KIAA0040: variants seen among roughly 807,000 people sequenced by gnomAD.
KIAA0040 encodes the protein KIAA0040.
In KIAA0040, 10 loss-of-function variants were observed where a neutral mutation model predicts 7.2. The observed-to-expected ratio is 1.38, with a 90% confidence interval of 0.85 to 2.34. The LOEUF (loss-of-function observed/expected upper bound fraction) is 2.34, where lower values mean the gene tolerates loss of function less well. KIAA0040 is among the 30% of genes most tolerant of loss of function. KIAA0040 has a pLI of 0.00. For missense variants in KIAA0040, 89 were observed against 108.2 expected, an observed-to-expected ratio of 0.82 and a Z score of 0.79; for synonymous variants, 49 against 40.1, an observed-to-expected ratio of 1.22 and a Z score of -0.84.
intron 1 of KIAA0040, among the ~76,000 whole-genome samples, chr1:175,178,301 T>A (rs946517545): frequency 3.3e-5 from 5 of 152,234 alleles, no homozygotes; most frequent in Non-Finnish European, 5.9e-5. Context: ...ACCTTCAGTG[T>A]GAGCAGAAGG....
At chr1:175,175,233 A>G (rs1415279069) in intron 2 of KIAA0040, among the ~76,000 whole-genome samples, 2 of 152,264 alleles carry the variant, frequency 1.3e-5, no homozygotes, top group East Asian at 3.8e-4. Context: ...GGTAGTAATT[A>G]AAAGTTGCAT....
At chr1:175,168,964 G>A (rs1676879417) in intron 2 of KIAA0040, among the ~76,000 whole-genome samples, 1 of 152,188 alleles carries the variant, frequency 6.6e-6, no homozygotes, top group South Asian at 2.1e-4. Context: ...GCATCCAGGG[G>A]AGGACTCCAA....
upstream of KIAA0040, chr1:175,192,873 C>T (rs953499215): frequency 6.6e-6 from 1 of 150,710 alleles, no homozygotes; most frequent in Non-Finnish European, 1.5e-5. Context: ...CCGCTGCCGC[C>T]GAGGGCAGCG....
intron 1 of KIAA0040, among the ~76,000 whole-genome samples, chr1:175,188,218 T>C (rs1677738536): frequency 6.6e-6 from 1 of 152,216 alleles, no homozygotes; most frequent in Non-Finnish European, 1.5e-5. Flanking sequence ...GAGTTGCCTC[T>C]GAGAAAGAAA....
chr1:175,170,419 G>A (rs546699195), intron 2 of KIAA0040, among the ~76,000 whole-genome samples: 4 of 152,170 alleles, frequency 2.6e-5, no homozygotes, highest in East Asian at 1.9e-4. Flanking sequence ...CACTCCCTGC[G>A]CAACCCTCGC....
At chr1:175,174,533 CT>C (rs1677105848) in intron 2 of KIAA0040, among the ~76,000 whole-genome samples, 1 of 152,166 alleles carries the variant, frequency 6.6e-6, no homozygotes, top group African/African-American at 2.4e-5. Context: ...CTCAAGATTA[CT>C]GTGAAGAACA....
chr1:175,162,310 A>G (rs1417911957), intron 3 of KIAA0040, among the ~76,000 whole-genome samples: 3 of 152,070 alleles, frequency 2.0e-5, no homozygotes, highest in Admixed American at 6.5e-5. Flanking sequence ...GATCATCCCA[A>G]TGAACTCTCT....
Position 175,160,140 on chromosome 1 carries a change from G to A in KIAA0040, c.*574C>T, listed in dbSNP as rs1676470844. On this transcript the variant is annotated 3_prime_UTR_variant, in exon 4 of 4. Coordinates refer to ENST00000423313, the MANE Select transcript of KIAA0040 (RefSeq NM_014656.3). The stretch of plus-strand genomic sequence containing the variant: ...AAGTTTATGTGTAGAGTTAGAAATA[G>A]GAAAGCATGCATCTGTAACCTGAGT... 6.5e-6 allele frequency: 1 copy of A among 154,356 alleles called. No homozygotes were observed. Among genetic ancestry groups the A allele is most frequent in the Admixed American group, 6.5e-5 (1 of 15,344 alleles). The allele number at this position is 154,356 out of a possible 1,614,324, so 9.6% of individuals were successfully genotyped here. A position where few individuals can be genotyped will look rare whatever the true frequency, so the allele number is the denominator to read the frequency against.
At chr1:175,189,302 C>G (rs974166266) in intron 1 of KIAA0040, among the ~76,000 whole-genome samples, 3 of 152,112 alleles carry the variant, frequency 2.0e-5, no homozygotes, top group African/African-American at 7.2e-5. Context: ...AGATTCAGGG[C>G]CATTGGATTA....
rs1272686790 is a variant in KIAA0040, at chr1:175,158,438, TC to T, written c.*2275del. On this transcript the variant is annotated 3_prime_UTR_variant, in exon 4 of 4. Coordinates refer to ENST00000423313, the MANE Select transcript of KIAA0040 (RefSeq NM_014656.3). Reference sequence around the variant, plus strand: ...CATGGAAACCATGTTACTTGTATGGTCCCGGATCCCGGTGATCCGCCCTCCT... The same window carrying T: ...CATGGAAACCATGTTACTTGTATGGTCCGGATCCCGGTGATCCGCCCTCCT... 6.6e-6 allele frequency: 1 copy of T among 152,160 alleles called. No homozygotes were observed. The highest frequency in any genetic ancestry group is 2.4e-5 in the African/African-American group (1 of 41,404). 9.4% of individuals were successfully genotyped at this position (152,160 alleles called of 1,614,324 possible). A position where few individuals can be genotyped will look rare whatever the true frequency, so the allele number is the denominator to read the frequency against.
At chr1:175,180,697 G>A (rs1305848820) in intron 1 of KIAA0040, among the ~76,000 whole-genome samples, 3 of 152,142 alleles carry the variant, frequency 2.0e-5, no homozygotes, top group Non-Finnish European at 4.4e-5. Context: ...GAGCAGCTGA[G>A]GCTCGACTTC....
rs1558387047 is a variant in KIAA0040 at position 175,160,804 on chromosome 1, CTTCTTCTTCTTCTTG to C, written c.195_209del (p.Asn65_Lys69del). ...CTTCTTCATCCTTCTTCTTCTTCTT[CTTCTTCTTCTTCTTG>C]TTCTTCTCTGGCTGCTGGCCCCTCT... is the stretch of plus-strand genomic sequence containing the variant. On this transcript the variant is annotated inframe_deletion, in exon 4 of 4. Coordinates refer to ENST00000423313, the MANE Select transcript of KIAA0040 (RefSeq NM_014656.3). The C allele has an allele frequency of 6.5e-7, 1 of 1,544,642 alleles. No homozygotes were observed. The highest frequency in any genetic ancestry group is 8.8e-7 in the Non-Finnish European group (1 of 1,142,038).
chr1:175,160,918 G>C lies in KIAA0040; in HGVS notation c.96C>G (p.Leu32=). ...TGATCACCAAGAGTGGCAGGCCCAGGAGGACTCCCAGGCAGATGGTGTTGT... is the reference window on the plus strand; with the variant it reads ...TGATCACCAAGAGTGGCAGGCCCAGCAGGACTCCCAGGCAGATGGTGTTGT... The part of the protein sequence containing the change: ...GIYNTICLGV[L]LGLPLLVIIT... Residue 32 remains leucine, a synonymous_variant, in exon 4 of 4, where the codon CTC becomes CTG. Coordinates refer to ENST00000423313, the MANE Select transcript of KIAA0040 (RefSeq NM_014656.3). 1 of 1,551,616 alleles carries C rather than the reference G, an allele frequency of 6.4e-7. No individual in the cohort carries two copies. Among genetic ancestry groups the C allele is most frequent in the Non-Finnish European group, 8.7e-7 (1 of 1,146,996 alleles).
intron 1 of KIAA0040, among the ~76,000 whole-genome samples, chr1:175,179,971 A>G (rs1312557046): frequency 1.3e-5 from 2 of 152,200 alleles, no homozygotes; most frequent in Non-Finnish European, 2.9e-5. Context: ...TCCCCTTCGC[A>G]GTTTACAAAG....
At chr1:175,169,856 C>T (rs999239246) in intron 2 of KIAA0040, among the ~76,000 whole-genome samples, 7 of 152,154 alleles carry the variant, frequency 4.6e-5, no homozygotes, top group Non-Finnish European at 7.4e-5. Context: ...CTCACCCCGA[C>T]GACAAACTGC....
At chr1:175,173,326 A>G (rs3766696) in intron 2 of KIAA0040, among the ~76,000 whole-genome samples, 19,044 of 152,228 alleles carry the variant, frequency 0.13, 1,288 homozygotes, top group East Asian at 0.23. Flanking sequence ...TCACAGGAAC[A>G]AGGAATGATC....
intron 3 of KIAA0040, among the ~76,000 whole-genome samples, chr1:175,165,289 G>T (rs1676712964): frequency 6.6e-6 from 1 of 152,142 alleles, no homozygotes; most frequent in Admixed American, 6.5e-5. Flanking sequence ...CCAGACCTCA[G>T]CTACAAAATG....
chr1:175,187,706 C>T (rs1254093300), intron 1 of KIAA0040, among the ~76,000 whole-genome samples: 2 of 150,704 alleles, frequency 1.3e-5, no homozygotes, highest in African/African-American at 4.8e-5. Context: ...TTCCCACGGC[C>T]TTTTTCCCTT....
At chr1:175,179,637 A>G (rs1381290159) in intron 1 of KIAA0040, among the ~76,000 whole-genome samples, 1 of 152,214 alleles carries the variant, frequency 6.6e-6, no homozygotes, top group Non-Finnish European at 1.5e-5. Context: ...ACTGGCACCC[A>G]GATGGGCTTG....
Sources: gnomAD v4.1 joint callset for allele counts (sites outside exome capture counted in the v4.1 genomes callset) on GRCh38, gnomAD v4.1.1 for gene constraint, MANE v1.5 for transcripts, NCBI Gene and HGNC (gene_info 2026-07-23, HGNC 2026-07-21) for gene names.